The following PHACTR3 variants were observed in gnomAD, a reference collection of about 807,000 sequenced individuals.
PHACTR3 encodes the protein phosphatase and actin regulator 3, also known as protein phosphatase 1, regulatory subunit 123.
In PHACTR3, 16 loss-of-function variants were observed where a neutral mutation model predicts 66.8. That is an observed-to-expected ratio of 0.24 (90% confidence interval 0.16 to 0.36). The LOEUF (loss-of-function observed/expected upper bound fraction) is 0.36. PHACTR3 is among the 10% of genes least tolerant of loss of function. The pLI, the probability that PHACTR3 is intolerant of heterozygous loss-of-function variation, is 1.00. For synonymous variants in PHACTR3, 323 were observed against 292.1 expected (o/e 1.11, Z -1.08); for missense variants, 647 against 719.9 (o/e 0.90, Z 1.16).
intron 4 of PHACTR3, among the ~76,000 whole-genome samples, chr20:59,762,132 T>C (rs991517235): frequency 6.6e-6 from 1 of 152,170 alleles, no homozygotes; most frequent in Non-Finnish European, 1.5e-5. Flanking sequence ...CTTAGAGCCA[T>C]CAGGCAGGCT....
At chr20:59,638,025 C>T (rs545791415) in intron 1 of PHACTR3, among the ~76,000 whole-genome samples, 78 of 152,304 alleles carry the variant, frequency 5.1e-4, no homozygotes, top group African/African-American at 1.8e-3. Context: ...TGGCCAGGGT[C>T]TGAATCCAGG....
rs546734611 is a variant in PHACTR3 at position 59,722,628 on chromosome 20, A to G, written c.119-20479A>G. 3.3e-5 allele frequency among the ~76,000 whole-genome samples: 5 copies of G among 152,224 alleles called. No individual in the cohort carries two copies. The East Asian group carries it at 5.8e-4, about 18-fold the overall frequency. On this transcript the variant is annotated intron_variant, in intron 1 of 12. Coordinates refer to ENST00000371015, the MANE Select transcript of PHACTR3 (RefSeq NM_080672.5). ...CATTGCTGGGGATCTCTTTGCTTCC[A>G]TAAGGTCAGTGGACCGGGAAGTGGC...
At chr20:59,846,570 TTCCGATTATACATTA>T (rs1266703778) in intron 12 of PHACTR3, among the ~76,000 whole-genome samples, 5 of 152,144 alleles carry the variant, frequency 3.3e-5, no homozygotes, top group Non-Finnish European at 5.9e-5. Flanking sequence ...TTTGTACATT[TTCCGATTATACATTA>T]TTAAATGTTT....
chr20:59,747,909 A>G, intron 3 of PHACTR3, 74 bp downstream of exon 3: 2 of 1,490,228 alleles, frequency 1.3e-6, no homozygotes, highest in South Asian at 2.3e-5. Flanking sequence ...ACATGAGCCC[A>G]GGAAGCCCAT....
At chr20:59,812,159 G>A (rs146017424) in intron 8 of PHACTR3, among the ~76,000 whole-genome samples, 8 of 152,332 alleles carry the variant, frequency 5.3e-5, no homozygotes, top group Non-Finnish European at 7.3e-5. Context: ...ATTCCCATTC[G>A]TGACTGTTGT....
intron 7 of PHACTR3, among the ~76,000 whole-genome samples, chr20:59,783,422 CCCCCGCCCCG>C (rs1304147293): frequency 6.6e-6 from 1 of 151,042 alleles, no homozygotes; most frequent in African/African-American, 2.5e-5. Flanking sequence ...ACAGGGCTGC[CCCCCGCCCCG>C]CCCCACCCCG....
rs1336841026 is a variant in PHACTR3, at chr20:59,840,411, A to T, written c.1427A>T (p.Lys476Met). The part of the protein sequence containing the change: ...QTEQEERREI[K>M]QRLTRKLNQR... ...GAGCAGGAAGAAAGAAGAGAAATCA[A>T]GCAAAGATTGACAAGAAAGGTAGTA... The change falls in exon 10 of 13, where the codon AAG becomes ATG. Residue 476 changes from lysine (K) to methionine (M), a missense_variant. This residue lies in a region of PHACTR3 where 70 missense variants were observed against 148.8 expected (regional missense o/e 0.47). Transcript: ENST00000371015. The T allele has an allele frequency of 8.7e-6, 14 of 1,613,358 alleles. No homozygotes were observed. The highest frequency in any genetic ancestry group is 1.3e-5 in the African/African-American group (1 of 74,894).
intron 5 of PHACTR3, among the ~76,000 whole-genome samples, chr20:59,769,126 G>A (rs1219859837): frequency 2.0e-5 from 3 of 152,226 alleles, no homozygotes. Context: ...TGGGACCACA[G>A]CTCAAGCTGT....
intron 1 of PHACTR3, among the ~76,000 whole-genome samples, chr20:59,723,693 T>TCACACCTGACCTGAGCAGCTGCCCGGC (rs1435924275): frequency 6.6e-6 from 1 of 152,014 alleles, no homozygotes; most frequent in African/African-American, 2.4e-5. Context: ...GGTGACTCGG[T>TCACACCTGACCTGAGCAGCTGCCCGGC]CATTGGGGTC....
chr20:59,608,577 G>C (rs756132330), intron 1 of PHACTR3, among the ~76,000 whole-genome samples: 1 of 152,188 alleles, frequency 6.6e-6, no homozygotes, highest in Non-Finnish European at 1.5e-5. Context: ...GCCCCAGCAC[G>C]ATGGTGGCCT....
intron 5 of PHACTR3, among the ~76,000 whole-genome samples, chr20:59,772,187 C>T (rs1427951564): frequency 6.6e-6 from 1 of 152,238 alleles, no homozygotes; most frequent in Admixed American, 6.5e-5. Flanking sequence ...CTCTGCTCTT[C>T]CGGGCACCTG....
At chr20:59,600,003 T>G (rs2146324024), upstream of PHACTR3, among the ~76,000 whole-genome samples, 1 of 152,322 alleles carries the variant, frequency 6.6e-6, no homozygotes, top group East Asian at 1.9e-4. Context: ...AAAATCAGGC[T>G]CTTCCTGAGG....
chr20:59,809,355 G>C lies in PHACTR3; in HGVS notation c.1328+3161G>C, dbSNP rs375360822. Among the ~76,000 whole-genome samples, 40 of 152,210 alleles carry C rather than the reference G, an allele frequency of 2.6e-4. No homozygotes were observed. The Middle Eastern group carries it at 0.017, about 65-fold the overall frequency. On this transcript the variant is annotated intron_variant, in intron 8 of 12. Transcript: ENST00000371015. ...CGCTCGGCCTCTGCATCGTGGTGTC[G>C]TCATCCCAGGCTTTCATTTCTGCAA...
chr20:59,754,185 T>C (rs1367149518), intron 3 of PHACTR3, among the ~76,000 whole-genome samples: 3 of 152,300 alleles, frequency 2.0e-5, no homozygotes, highest in Middle Eastern at 3.4e-3. Context: ...AACTGAGCCA[T>C]TTATTTTGCT....
intron 11 of PHACTR3, 57 bp downstream of exon 11, chr20:59,841,592 T>A: frequency 1.3e-6 from 2 of 1,551,950 alleles, no homozygotes; most frequent in South Asian, 2.5e-5. Flanking sequence ...AGGCAAAATA[T>A]GTCATGCCAG....
Position 59,738,241 on chromosome 20 carries a change from C to A in PHACTR3, c.119-4866C>A, listed in dbSNP as rs2039025444. Among the ~76,000 whole-genome samples, 1 of 152,032 alleles carries A rather than the reference C, an allele frequency of 6.6e-6. No homozygotes were observed. Among genetic ancestry groups the A allele is most frequent in the Non-Finnish European group, 1.5e-5 (1 of 68,000 alleles). Reference sequence around the variant, plus strand: ...AGGGCCAGGAGGGGAGCCTGGGGTGCCTGGTCCCAGCCCCCATGTTCTTCA... The same window carrying A: ...AGGGCCAGGAGGGGAGCCTGGGGTGACTGGTCCCAGCCCCCATGTTCTTCA... On this transcript the variant is annotated intron_variant, in intron 1 of 12. Transcript: ENST00000371015. The surrounding 1 kb of genome is among the most constrained non-coding windows in gnomAD (Gnocchi z 4.4).
intron 1 of PHACTR3, among the ~76,000 whole-genome samples, chr20:59,692,405 A>G (rs1298718995): frequency 6.6e-6 from 1 of 152,162 alleles, no homozygotes; most frequent in East Asian, 1.9e-4. Flanking sequence ...TTGCCCAGTG[A>G]TGATTTTGAC....
chr20:59,807,354 T>G (rs2041600467), intron 8 of PHACTR3, among the ~76,000 whole-genome samples: 1 of 152,210 alleles, frequency 6.6e-6, no homozygotes, highest in South Asian at 2.1e-4. Flanking sequence ...GTCAGAACCA[T>G]CAATCACTGT....
At chr20:59,707,126 A>G (rs2037735581) in intron 1 of PHACTR3, among the ~76,000 whole-genome samples, 1 of 152,256 alleles carries the variant, frequency 6.6e-6, no homozygotes, top group African/African-American at 2.4e-5. Context: ...AGGTGGCTGC[A>G]TTCAGTGATG....
Sources: allele counts gnomAD v4.1 joint callset (sites outside exome capture counted in the v4.1 genomes callset), GRCh38; gene constraint gnomAD v4.1.1; regional missense constraint gnomAD v4.1.1; non-coding constraint Gnocchi (gnomAD v3.1); transcripts MANE v1.5; gene names NCBI Gene and HGNC (gene_info 2026-07-23, HGNC 2026-07-21).